EPB41L2: variants seen among roughly 807,000 people sequenced by gnomAD.
The protein encoded by EPB41L2 is band 4.1-like protein 2.
EPB41L2 carries 43 observed loss-of-function variants against 113.0 expected under a neutral mutation model. That is an observed-to-expected ratio of 0.38 (90% CI 0.30 to 0.49). The LOEUF is 0.49. Ranked by LOEUF, EPB41L2 falls within the 20% of genes least tolerant of loss-of-function variation. The pLI is 0.95. For synonymous variants in EPB41L2, 442 were observed against 436.7 expected (o/e 1.01, Z -0.15); for missense variants, 1,147 against 1,223.4 (o/e 0.94, Z 0.93).
At chr6:130,856,535 T>C (rs769580136) in intron 19 of EPB41L2, among the ~76,000 whole-genome samples, 14 of 152,248 alleles carry the variant, frequency 9.2e-5, no homozygotes, top group Non-Finnish European at 1.9e-4. Context: ...TACACATATT[T>C]ACCAAACTAG....
chr6:131,017,079 C>T (rs1035900486), intron 1 of EPB41L2, among the ~76,000 whole-genome samples: 3 of 152,100 alleles, frequency 2.0e-5, no homozygotes, highest in Non-Finnish European at 4.4e-5. Flanking sequence ...AAGAACTAAA[C>T]TAGGCATCGG....
chr6:131,050,794 A>G (rs553509710), intron 1 of EPB41L2, among the ~76,000 whole-genome samples: 1 of 152,306 alleles, frequency 6.6e-6, no homozygotes, highest in Admixed American at 6.5e-5. Flanking sequence ...GGGTTTCCCC[A>G]TGTTGCCCAG....
intron 1 of EPB41L2, among the ~76,000 whole-genome samples, chr6:130,966,870 G>T (rs1239818807): frequency 6.6e-6 from 1 of 152,110 alleles, no homozygotes; most frequent in Non-Finnish European, 1.5e-5. Flanking sequence ...GTAGCATTAA[G>T]ATGGCCTAAG....
chr6:130,862,470 A>C (rs1335257783), intron 18 of EPB41L2, among the ~76,000 whole-genome samples: 1 of 152,210 alleles, frequency 6.6e-6, no homozygotes. Context: ...GCGAAACTCA[A>C]GACTGTTCCA....
chr6:130,860,307 C>T (rs190769565), intron 18 of EPB41L2, among the ~76,000 whole-genome samples: 1 of 152,160 alleles, frequency 6.6e-6, no homozygotes, highest in East Asian at 1.9e-4. Context: ...TAGATGATGC[C>T]CAAGGGAAGG....
chr6:131,062,142 AAAT>A (rs1457086093), intron 1 of EPB41L2, among the ~76,000 whole-genome samples: 1 of 151,890 alleles, frequency 6.6e-6, no homozygotes, highest in African/African-American at 2.4e-5. Flanking sequence ...CCCCTCCCCA[AAAT>A]AATAGACTCT....
chr6:131,012,086 T>C (rs1787143180), intron 1 of EPB41L2, among the ~76,000 whole-genome samples: 1 of 151,856 alleles, frequency 6.6e-6, no homozygotes, highest in Non-Finnish European at 1.5e-5. Context: ...GCACCTGTAG[T>C]CCCAGCTACT....
intron 1 of EPB41L2, among the ~76,000 whole-genome samples, chr6:131,016,509 C>T (rs1788246428): frequency 6.6e-6 from 1 of 151,502 alleles, no homozygotes; most frequent in African/African-American, 2.4e-5. Flanking sequence ...CACACACACA[C>T]ACACACACAC....
intron 18 of EPB41L2, among the ~76,000 whole-genome samples, chr6:130,860,520 ATTTTAT>A (rs149299674): frequency 0.052 from 7,858 of 152,120 alleles, 277 homozygotes; most frequent in East Asian, 0.12. Context: ...TTACTGCCAA[ATTTTAT>A]TTTTATTTTT....
intron 1 of EPB41L2, among the ~76,000 whole-genome samples, chr6:131,025,210 C>A (rs540197265): frequency 2.6e-5 from 4 of 152,120 alleles, no homozygotes; most frequent in African/African-American, 9.7e-5. Flanking sequence ...GTTTCCCCCC[C>A]GGTATGACTG....
chr6:130,904,570 C>G (rs1797183502), intron 5 of EPB41L2, 30 bp from the exon 6 acceptor site: 1 of 1,405,518 alleles, frequency 7.1e-7, no homozygotes, highest in Non-Finnish European at 9.9e-7. Flanking sequence ...CAGTTATGCA[C>G]CCAATTAACA....
intron 1 of EPB41L2, among the ~76,000 whole-genome samples, chr6:131,034,420 C>T (rs376038912): frequency 6.6e-6 from 1 of 152,158 alleles, no homozygotes; most frequent in African/African-American, 2.4e-5. Context: ...TCAGTCTGGG[C>T]AGCATGGTGA....
At chr6:130,941,920 T>G (rs1054787447) in intron 3 of EPB41L2, among the ~76,000 whole-genome samples, 1 of 152,148 alleles carries the variant, frequency 6.6e-6, no homozygotes, top group African/African-American at 2.4e-5. Context: ...CAGTTCAGAG[T>G]TGATGTATAA....
chr6:130,969,062 C>T (rs12206469), intron 1 of EPB41L2, among the ~76,000 whole-genome samples: 1 of 152,008 alleles, frequency 6.6e-6, no homozygotes, highest in East Asian at 1.9e-4. Context: ...AACTATAGAT[C>T]ACCAATATAT....
At chr6:130,921,011 G>A (rs937190808) in intron 4 of EPB41L2, among the ~76,000 whole-genome samples, 1 of 152,078 alleles carries the variant, frequency 6.6e-6, no homozygotes, top group African/African-American at 2.4e-5. Context: ...ACCCAACCCT[G>A]AAACCTAGGA....
At chr6:131,048,518 T>C (rs1324685099) in intron 1 of EPB41L2, among the ~76,000 whole-genome samples, 1 of 152,220 alleles carries the variant, frequency 6.6e-6, no homozygotes. Context: ...ATGAGCTTTA[T>C]TTGGGAGACC....
chr6:130,955,189 T>G lies in EPB41L2; in HGVS notation c.621A>C (p.Ala207=), dbSNP rs1181516342. 6.2e-7 allele frequency: 1 copy of G among 1,614,106 alleles called. No homozygotes were observed. Among genetic ancestry groups the G allele is most frequent in the Non-Finnish European group, 8.5e-7 (1 of 1,180,050 alleles). Residue 207 remains alanine (A), a synonymous_variant, in exon 3 of 20, where the codon GCA becomes GCC. Transcript: ENST00000337057. ...TGGTCTTCTTGGTGACTTTTTGAGA[T>G]GCCTTCTCTGCTTTCAGCTCATTGG... ...VQTNELKAEK[A]SQKVTKKTKT... is the part of the protein sequence containing the mutation.
chr6:131,020,956 A>ATT (rs373751654), intron 1 of EPB41L2, among the ~76,000 whole-genome samples: 1 of 147,774 alleles, frequency 6.8e-6, no homozygotes, highest in Non-Finnish European at 1.5e-5. Flanking sequence ...CACCAGGCTA[A>ATT]TTTTTTTTTT....
At chr6:130,914,518 G>A (rs893109545) in intron 4 of EPB41L2, among the ~76,000 whole-genome samples, 1 of 147,842 alleles carries the variant, frequency 6.8e-6, no homozygotes, top group Non-Finnish European at 1.5e-5. Flanking sequence ...CAGTTTGGCC[G>A]ATGGTAAAAA....
Sources: allele counts gnomAD v4.1 joint callset (sites outside exome capture counted in the v4.1 genomes callset), GRCh38; gene constraint gnomAD v4.1.1; transcripts MANE v1.5; gene names NCBI Gene and HGNC (gene_info 2026-07-23, HGNC 2026-07-21).